Variants in RIF1 observed in about 807,000 individuals in gnomAD.
RIF1 encodes the protein telomere-associated protein RIF1.
In RIF1, 45 loss-of-function variants were observed where a neutral mutation model predicts 247.1. The ratio of observed to expected loss-of-function variants is 0.18; its 90% CI spans 0.14 to 0.23. The LOEUF is 0.23. RIF1 is among the 10% of genes least tolerant of loss of function. The probability of loss-of-function intolerance (pLI) is 1.00; values close to 1 mark genes in which losing one functional copy is unlikely to be tolerated. For missense variants in RIF1, 2,967 were observed against 2,862.5 expected, an observed-to-expected ratio of 1.04 and a Z score of -0.83; for synonymous variants, 1,087 against 978.8, an observed-to-expected ratio of 1.11 and a Z score of -2.06.
At chr2:151,447,165 G>C (rs1031352777) in intron 20 of RIF1, among the ~76,000 whole-genome samples, 1 of 151,564 alleles carries the variant, frequency 6.6e-6, no homozygotes, top group East Asian at 1.9e-4. Context: ...GGATGGTCTC[G>C]ATCTCCTGAC....
chr2:151,433,239 A>G lies in RIF1; in HGVS notation c.1077+11A>G, dbSNP rs779117548. On this transcript the variant is annotated intron_variant, in intron 10 of 35. Coordinates refer to ENST00000444746, the MANE Select transcript of RIF1 (RefSeq NM_018151.5). ...GCTAATTTTGAACAGGTAACATTAC[A>G]AGTGTTGACTATAGCACTTTATGTT... 1.2e-6 allele frequency: 2 copies of G among 1,602,992 alleles called. No homozygotes were observed. The highest frequency in any genetic ancestry group is 1.3e-5 in the African/African-American group (1 of 74,682).
chr2:151,474,972 A>T lies in RIF1; in HGVS notation c.7320A>T (p.Gln2440His). The change falls in exon 36 of 36, where the codon CAA (glutamine) becomes CAT (histidine). Residue 2440 changes from glutamine (Q) to histidine (H), a missense_variant. Physicochemically the swap from Gln to His is conservative, Grantham distance 24 (BLOSUM62 0). Transcript: ENST00000444746. Reference protein sequence around the residue: ...SEDLHNYSGSQLFEMHEKLSC... With the variant: ...SEDLHNYSGSHLFEMHEKLSC... Reference sequence around the variant, plus strand: ...ATCTTCATAATTATTCAGGAAGCCAACTATTTGAAATGCACGAGAAACTAA... The same window carrying T: ...ATCTTCATAATTATTCAGGAAGCCATCTATTTGAAATGCACGAGAAACTAA... 6.2e-7 allele frequency: 1 copy of T among 1,613,366 alleles called. No individual in the cohort carries two copies. The highest frequency in any genetic ancestry group is 8.5e-7 in the Non-Finnish European group (1 of 1,179,368).
chr2:151,440,146 T>C lies in RIF1; in HGVS notation c.1647+19T>C, dbSNP rs1692022869. 1.6e-6 allele frequency: 2 copies of C among 1,286,770 alleles called. No individual in the cohort carries two copies. The highest frequency in any genetic ancestry group is 2.1e-5 in the Admixed American group (1 of 48,276). 79.7% of individuals were successfully genotyped at this position (1,286,770 alleles called of 1,614,324 possible). On this transcript the variant is annotated intron_variant, in intron 15 of 35. Coordinates refer to ENST00000444746, the MANE Select transcript of RIF1 (RefSeq NM_018151.5). ...AACGCTGGTAAGTATAATACCCGTA[T>C]GTTGGACTTTAAAAACCATTTTCTG...
intron 19 of RIF1, 111 bp downstream of exon 19, chr2:151,445,556 C>CTT (rs978305023): frequency 1.7e-5 from 10 of 588,066 alleles, no homozygotes; most frequent in South Asian, 4.5e-5. Flanking sequence ...TTCTTTTTCT[C>CTT]TTTTTTTTTT....
intron 10 of RIF1, chr2:151,497,591 A>C: frequency 6.5e-7 from 1 of 1,542,994 alleles, no homozygotes; most frequent in Non-Finnish European, 8.8e-7. Flanking sequence ...CAAAATCATT[A>C]AATAAGTAGT....
chr2:151,446,820 C>T (rs917441439), intron 20 of RIF1, among the ~76,000 whole-genome samples: 3 of 152,082 alleles, frequency 2.0e-5, no homozygotes, highest in African/African-American at 7.2e-5. Flanking sequence ...TTGTGTCATT[C>T]TAGATTAACA....
chr2:151,432,638 C>T (rs528820682), intron 9 of RIF1, among the ~76,000 whole-genome samples: 38 of 152,256 alleles, frequency 2.5e-4, no homozygotes, highest in Non-Finnish European at 4.6e-4. Flanking sequence ...AATGAGAATG[C>T]TAAAGCAGCT....
rs1227541682 is a variant in RIF1 at position 151,491,548 on chromosome 2, AT to A, written c.*416-3676del. On this transcript the variant is annotated intron_variant and NMD_transcript_variant, in intron 9 of 13. Coordinates refer to the RIF1 transcript ENST00000454583. Reference sequence around the variant, plus strand: ...AGTTTTGCTCACTAGTTAACAAGGTATTTTTATGCCAAATGGGCAGCTCAGA... The same window carrying A: ...AGTTTTGCTCACTAGTTAACAAGGTATTTTATGCCAAATGGGCAGCTCAGA... The A allele has an allele frequency of 5.2e-6, 4 of 762,276 alleles. No individual in the cohort carries two copies. The African/African-American group carries it at 7.1e-5, about 13-fold the overall frequency. The allele number at this position is 762,276 out of a possible 1,614,324, so 47.2% of individuals were successfully genotyped here. A position where few individuals can be genotyped will look rare whatever the true frequency, so the allele number is the denominator to read the frequency against.
Position 151,440,047 on chromosome 2 carries a change from G to A in RIF1, c.1567G>A (p.Gly523Ser). 4 of 1,567,334 alleles carry A rather than the reference G, an allele frequency of 2.6e-6. No individual in the cohort carries two copies. The highest frequency in any genetic ancestry group is 3.5e-6 in the Non-Finnish European group (4 of 1,150,332). The change falls in exon 15 of 36, where the codon GGT (glycine) becomes AGT (serine). Residue 523 changes from glycine (G) to serine (S), a missense_variant. Physicochemically the swap from Gly to Ser is moderately conservative, Grantham distance 56. Around this residue, in one of 7 missense-constraint regions of RIF1, gnomAD observed 369 missense variants for 322.0 expected, o/e 1.15. Coordinates refer to ENST00000444746, the MANE Select transcript of RIF1 (RefSeq NM_018151.5). Reference protein sequence around the residue: ...TESGNKKEKPGSEVLTLLLKS... With the variant: ...TESGNKKEKPSSEVLTLLLKS... ...GATAGGTAACAAAAAAGAGAAACCA[G>A]GTTCTGAAGTTTTGACTCTCTTATT...
At chr2:151,524,654 C>CTTTTTTTTTTTTTTT in the RIF1 span, 4 of 257,366 alleles carry the variant, frequency 1.6e-5, no homozygotes, top group African/African-American at 7.7e-5. Flanking sequence ...AAGAGAGAGG[C>CTTTTTTTTTTTTTTT]TTTTTTTTTT....
Position 151,477,614 on chromosome 2 carries a change from T to G in RIF1, c.*2543T>G, listed in dbSNP as rs1309448456. The stretch of plus-strand genomic sequence containing the variant: ...TATTTTTAGTAGAGAAGGGGTTCAC[T>G]GTGTTAGCCAGGATGGTCTTGATCT... On this transcript the variant is annotated 3_prime_UTR_variant, in exon 36 of 36. Coordinates refer to ENST00000444746, the MANE Select transcript of RIF1 (RefSeq NM_018151.5). The G allele has an allele frequency of 6.6e-6, 1 of 151,662 alleles. No homozygotes were observed. Among genetic ancestry groups the G allele is most frequent in the East Asian group, 1.9e-4 (1 of 5,154 alleles). The allele number at this position is 151,662 out of a possible 1,614,324, so 9.4% of individuals were successfully genotyped here.
At chr2:151,534,300 T>A in the RIF1 span, 2 of 1,613,512 alleles carry the variant, frequency 1.2e-6, no homozygotes, top group Non-Finnish European at 1.7e-6. Flanking sequence ...CCGCTGCTCA[T>A]AATCAGCTCT....
chr2:151,471,051 A>G (rs1697724807), intron 34 of RIF1, among the ~76,000 whole-genome samples: 1 of 152,078 alleles, frequency 6.6e-6, no homozygotes. Flanking sequence ...CAGAGAAGAA[A>G]CACTGACCCA....
At position 151,506,221 on chromosome 2, in the gene RIF1, A is replaced by G. The variant is rs2068741180; in HGVS notation, c.*873A>G. 10 of 1,613,656 alleles carry G rather than the reference A, an allele frequency of 6.2e-6. No homozygotes were observed. The highest frequency in any genetic ancestry group is 6.8e-6 in the Non-Finnish European group (8 of 1,179,682). On this transcript the variant is annotated 3_prime_UTR_variant and NMD_transcript_variant, in exon 13 of 14. Transcript: ENST00000454583. ...TCTCATCATCTCAGGTGTCTTTCCG[A>G]TAGCCGTTCCTGGTGAGACATCCTC...
chr2:151,419,623 C>T (rs540546468), intron 6 of RIF1, among the ~76,000 whole-genome samples: 1 of 152,154 alleles, frequency 6.6e-6, no homozygotes, highest in East Asian at 1.9e-4. Flanking sequence ...TGCACCCGGC[C>T]GGTCATTTAT....
the RIF1 span, among the ~76,000 whole-genome samples, chr2:151,532,549 A>G: frequency 6.6e-6 from 1 of 152,144 alleles, no homozygotes; most frequent in Non-Finnish European, 1.5e-5. Flanking sequence ...AGATACAGAG[A>G]GCACCATAAA....
At chr2:151,423,272 A>G (rs1035481411) in intron 8 of RIF1, 9 of 439,484 alleles carry the variant, frequency 2.0e-5, no homozygotes, top group South Asian at 5.9e-5. Flanking sequence ...CACAACGTGC[A>G]TGTTTCCAGC....
chr2:151,429,559 G>A (rs1310649041), intron 9 of RIF1, among the ~76,000 whole-genome samples: 1 of 152,136 alleles, frequency 6.6e-6, no homozygotes. Context: ...CAATAGACCT[G>A]AGATGTAATT....
At chr2:151,432,070 G>A (rs1335913903) in intron 9 of RIF1, among the ~76,000 whole-genome samples, 1 of 152,110 alleles carries the variant, frequency 6.6e-6, no homozygotes, top group Non-Finnish European at 1.5e-5. Flanking sequence ...GTGCAGTGGT[G>A]TGATCTCAGC....
Sources: gnomAD v4.1 joint callset for allele counts (sites outside exome capture counted in the v4.1 genomes callset) on GRCh38, gnomAD v4.1.1 for gene constraint, gnomAD v4.1.1 regional missense constraint, MANE v1.5 for transcripts, NCBI Gene and HGNC (gene_info 2026-07-23, HGNC 2026-07-21) for gene names.